The following BECN1 variants were observed in gnomAD, a reference collection of about 807,000 sequenced individuals.
The protein encoded by BECN1 is beclin 1, also known as beclin-1.
Under a neutral mutation model 60.1 loss-of-function variants are expected in BECN1, and 15 were observed. The observed-to-expected ratio is 0.25, with a 90% CI of 0.17 to 0.38. BECN1 has a LOEUF of 0.38. Ranked by LOEUF, BECN1 falls within the 10% of genes least tolerant of loss-of-function variation. The pLI is 1.00. For synonymous variants in BECN1, 179 were observed against 201.8 expected (o/e 0.89, Z 0.96); for missense variants, 424 against 548.2 (o/e 0.77, Z 2.26).
intron 10 of BECN1, 98 bp from the exon 11 acceptor site, chr17:42,811,895 G>GTATCCCAC: frequency 7.1e-7 from 1 of 1,417,290 alleles, no homozygotes; most frequent in East Asian, 2.3e-5. Context: ...TGTTCTGTCT[G>GTATCCCAC]TATCCCACTG....
At position 42,824,182 on chromosome 17, in the gene BECN1, G is replaced by C. The variant is rs987856230; in HGVS notation, c.-30C>G. On this transcript the variant is annotated 5_prime_UTR_variant, in exon 1 of 12. Coordinates refer to ENST00000590099, the MANE Select transcript of BECN1 (RefSeq NM_001313998.2). ...CGGGAGCCCGGAGCCCGTCACCCAAGTCCGGTCTACCGCGGAGGCACTGTG... is the reference window on the plus strand; with the variant it reads ...CGGGAGCCCGGAGCCCGTCACCCAACTCCGGTCTACCGCGGAGGCACTGTG... 2.3e-6 allele frequency: 1 copy of C among 428,408 alleles called. No homozygotes were observed. Among genetic ancestry groups the C allele is most frequent in the Non-Finnish European group, 4.1e-6 (1 of 241,434 alleles). The allele number at this position is 428,408 out of a possible 1,614,324, so 26.5% of individuals were successfully genotyped here. A position where few individuals can be genotyped will look rare whatever the true frequency, so the allele number is the denominator to read the frequency against.
At chr17:42,812,792 C>T (rs2144154747) in intron 10 of BECN1, 1 of 150,612 alleles carries the variant, frequency 6.6e-6, no homozygotes, top group South Asian at 2.1e-4. Context: ...TGATATGATG[C>T]CACAAGGGGA....
intron 9 of BECN1, 61 bp downstream of exon 9, chr17:42,814,463 G>C (rs2055102914): frequency 6.2e-7 from 1 of 1,600,840 alleles, no homozygotes; most frequent in Non-Finnish European, 8.5e-7. Flanking sequence ...AGCAGTACCA[G>C]GTTGGAGATA....
intron 2 of BECN1, among the ~76,000 whole-genome samples, chr17:42,821,716 GA>G (rs2055267936): frequency 6.6e-6 from 1 of 152,190 alleles, no homozygotes; most frequent in Non-Finnish European, 1.5e-5. Context: ...TTCAAGTCAT[GA>G]CAATTTACCT....
chr17:42,821,488 ATGTGTTGATAATTGT>A (rs1334688205), intron 2 of BECN1, among the ~76,000 whole-genome samples: 1 of 152,216 alleles, frequency 6.6e-6, no homozygotes, highest in Admixed American at 6.5e-5. Flanking sequence ...TTGATTAAAT[ATGTGTTGATAATTGT>A]TGCAACTAGG....
chr17:42,818,448 G>C, intron 6 of BECN1, 33 bp from the exon 7 acceptor site: 1 of 1,612,784 alleles, frequency 6.2e-7, no homozygotes, highest in Non-Finnish European at 8.5e-7. Flanking sequence ...ATACTTACTA[G>C]AGCTCCATTT....
At chr17:42,815,416 C>A (rs760801456) in intron 8 of BECN1, among the ~76,000 whole-genome samples, 1 of 152,148 alleles carries the variant, frequency 6.6e-6, no homozygotes, top group African/African-American at 2.4e-5. Context: ...ATGGCCTCCC[C>A]AAACTGGATC....
rs1392159527 is a variant in BECN1, at chr17:42,824,250, G to A, written c.-98C>T. On this transcript the variant is annotated 5_prime_UTR_variant, in exon 1 of 12. Coordinates refer to ENST00000590099, the MANE Select transcript of BECN1 (RefSeq NM_001313998.2). The stretch of plus-strand genomic sequence containing the variant: ...GAGCGAGGCCTCCAGAACTACCATC[G>A]CTCTGTCTTCAGCGACTTCCCGGTA... The A allele has an allele frequency of 5.0e-6, 2 of 401,670 alleles. No individual in the cohort carries two copies. Among genetic ancestry groups the A allele is most frequent in the South Asian group, 1.1e-4 (1 of 9,314 alleles). 24.9% of individuals were successfully genotyped at this position (401,670 alleles called of 1,614,324 possible). A position where few individuals can be genotyped will look rare whatever the true frequency, so the allele number is the denominator to read the frequency against.
At position 42,814,008 on chromosome 17, in the gene BECN1, T is replaced by A; in HGVS notation, c.981A>T (p.Arg327Ser). Residue 327 changes from arginine to serine, a missense_variant and splice_region_variant, in exon 10 of 12, where the codon AGA (arginine) becomes AGT (serine). Coordinates refer to ENST00000590099, the MANE Select transcript of BECN1 (RefSeq NM_001313998.2). ...LANKMGLKFQ[R>S]YRLVPYGNHS... ...GGTTTCCGTAAGGAACAAGTCGGTATCTAAAATAGAGATACAAACAGAGAT... is the reference window on the plus strand; with the variant it reads ...GGTTTCCGTAAGGAACAAGTCGGTAACTAAAATAGAGATACAAACAGAGAT... 1 of 1,597,340 alleles carries A rather than the reference T, an allele frequency of 6.3e-7. No individual in the cohort carries two copies. The highest frequency in any genetic ancestry group is 1.3e-5 in the African/African-American group (1 of 74,414).
In BECN1 at chr17:42,810,851, G is replaced by C; in HGVS notation, c.1262C>G (p.Ser421Cys). The C allele has an allele frequency of 6.2e-7, 1 of 1,613,674 alleles. No individual in the cohort carries two copies. Among genetic ancestry groups the C allele is most frequent in the Non-Finnish European group, 8.5e-7 (1 of 1,179,810 alleles). ...GAGAGCTTTTGTCCACTGCTCCTCA[G>C]AGTTAAACTGGGTTTTGATGGAATA... Reference protein sequence around the residue: ...GSYSIKTQFNSEEQWTKALKF... With the variant: ...GSYSIKTQFNCEEQWTKALKF... Residue 421 changes from serine (S) to cysteine (C), a missense_variant, in exon 12 of 12, where the codon TCT (serine) becomes TGT (cysteine). Physicochemically the swap from Ser to Cys is moderately radical, Grantham distance 112. Around this residue, in one of 3 missense-constraint regions of BECN1, gnomAD observed 326 missense variants for 406.2 expected, o/e 0.80. Coordinates refer to ENST00000590099, the MANE Select transcript of BECN1 (RefSeq NM_001313998.2).
intron 2 of BECN1, among the ~76,000 whole-genome samples, chr17:42,821,812 T>C (rs1467231896): frequency 6.6e-6 from 1 of 152,202 alleles, no homozygotes; most frequent in Non-Finnish European, 1.5e-5. Context: ...TGTGAGAATA[T>C]GGCTGATTAT....
chr17:42,814,143 C>A, intron 9 of BECN1, 135 bp from the exon 10 acceptor site: 1 of 572,776 alleles, frequency 1.7e-6, no homozygotes, highest in East Asian at 3.0e-5. Context: ...TCTCCCACCT[C>A]CCCATTGAAT....
At chr17:42,818,101 G>T in intron 7 of BECN1, 120 bp downstream of exon 7, 1 of 1,047,512 alleles carries the variant, frequency 9.5e-7, no homozygotes, top group Non-Finnish European at 1.4e-6. Flanking sequence ...AGGATCTGGG[G>T]CAGGCATGCT....
chr17:42,824,065 G>A (rs1204514083), intron 1 of BECN1, 90 bp downstream of exon 1: 1 of 695,266 alleles, frequency 1.4e-6, no homozygotes, highest in Non-Finnish European at 2.3e-6. Flanking sequence ...GCAGTTTAGA[G>A]CCCAGGGTCA....
intron 9 of BECN1, 130 bp from the exon 10 acceptor site, chr17:42,814,138 C>A: frequency 1.7e-6 from 1 of 585,584 alleles, no homozygotes; most frequent in East Asian, 2.9e-5. Flanking sequence ...CTCCCTCTCC[C>A]ACCTCCCCAT....
intron 7 of BECN1, among the ~76,000 whole-genome samples, chr17:42,817,528 G>A (rs1372656287): frequency 1.3e-5 from 2 of 152,140 alleles, no homozygotes; most frequent in Non-Finnish European, 2.9e-5. Context: ...GGTTCTCTCA[G>A]GTCAAGGACA....
At position 42,818,255 on chromosome 17, in the gene BECN1, C is replaced by A; in HGVS notation, c.649G>T (p.Ala217Ser). 6.8e-6 allele frequency: 11 copies of A among 1,614,208 alleles called. No homozygotes were observed. Among genetic ancestry groups the A allele is most frequent in the Non-Finnish European group, 9.3e-6 (11 of 1,180,030 alleles). The change falls in exon 7 of 12, where the codon GCT becomes TCT. Residue 217 changes from alanine to serine, a missense_variant. By Grantham distance (99) the Ala-to-Ser change is moderately conservative. Transcript: ENST00000590099. ...IVAENLEKVQ[A>S]EAERLDQEEA... is the part of the protein sequence containing the mutation. The stretch of plus-strand genomic sequence containing the variant: ...TCCTGATCCAGTCTCTCAGCCTCAG[C>A]CTGGACCTTCTCGAGATTTTCTGCC...
Position 42,810,552 on chromosome 17 carries a change from C to T in BECN1, c.*208G>A, listed in dbSNP as rs1236204000. Reference sequence around the variant, plus strand: ...CCATGGGGTTAAGAATCAAAACTGACCAGGGCTGGCAACTATAGATGGCAT... The same window carrying T: ...CCATGGGGTTAAGAATCAAAACTGATCAGGGCTGGCAACTATAGATGGCAT... On this transcript the variant is annotated 3_prime_UTR_variant, in exon 12 of 12. Transcript: ENST00000590099. 6 of 420,500 alleles carry T rather than the reference C, an allele frequency of 1.4e-5. No individual in the cohort carries two copies. Among genetic ancestry groups the T allele is most frequent in the Non-Finnish European group, 2.4e-5 (6 of 247,224 alleles). The allele number at this position is 420,500 out of a possible 1,614,324, so 26.0% of individuals were successfully genotyped here. A position where few individuals can be genotyped will look rare whatever the true frequency, so the allele number is the denominator to read the frequency against.
chr17:42,819,352 C>G, intron 4 of BECN1, 196 bp downstream of exon 4: 1 of 592,402 alleles, frequency 1.7e-6, no homozygotes, highest in Non-Finnish European at 3.0e-6. Flanking sequence ...TCCTTTCCCA[C>G]TCTGTGAACA....
Sources: allele counts gnomAD v4.1 joint callset (sites outside exome capture counted in the v4.1 genomes callset), GRCh38; gene constraint gnomAD v4.1.1; regional missense constraint gnomAD v4.1.1; transcripts MANE v1.5; gene names NCBI Gene and HGNC (gene_info 2026-07-23, HGNC 2026-07-21).